MEF2A: variants seen among roughly 807,000 people sequenced by gnomAD.
The protein encoded by MEF2A is myocyte-specific enhancer factor 2A.
In MEF2A, 28 loss-of-function variants were observed where a neutral mutation model predicts 55.8. The ratio of observed to expected loss-of-function variants is 0.50; its 90% CI spans 0.37 to 0.69. The LOEUF is 0.69. Ranked by LOEUF, MEF2A falls within the 30% of genes least tolerant of loss-of-function variation. MEF2A has a pLI of 0.00. For missense variants in MEF2A, 528 were observed against 626.2 expected (o/e 0.84, Z 1.67); for synonymous variants, 239 against 227.1 (o/e 1.05, Z -0.47).
chr15:99,710,306 T>G (rs1010131533), intron 10 of MEF2A, among the ~76,000 whole-genome samples: 2 of 152,174 alleles, frequency 1.3e-5, no homozygotes, highest in African/African-American at 2.4e-5. Context: ...GCAGTGGTGC[T>G]ACCTCGGCTC....
chr15:99,580,630 G>GT (rs1370328980), intron 1 of MEF2A, among the ~76,000 whole-genome samples: 2 of 152,114 alleles, frequency 1.3e-5, no homozygotes, highest in East Asian at 3.8e-4. Context: ...GAAAAGCAAG[G>GT]TTATTCAGAG....
At chr15:99,582,311 G>A (rs983645632) in intron 1 of MEF2A, among the ~76,000 whole-genome samples, 2 of 152,028 alleles carry the variant, frequency 1.3e-5, no homozygotes, top group East Asian at 1.9e-4. Context: ...CACAGCTTTC[G>A]AGTGGAAGAT....
chr15:99,709,524 G>C (rs1226314688), intron 10 of MEF2A, among the ~76,000 whole-genome samples: 1 of 152,200 alleles, frequency 6.6e-6, no homozygotes, highest in Non-Finnish European at 1.5e-5. Context: ...GAATGACAAG[G>C]GCAGAGTCAG....
chr15:99,673,493 G>T (rs190175929), intron 5 of MEF2A, among the ~76,000 whole-genome samples: 71 of 152,242 alleles, frequency 4.7e-4, no homozygotes, highest in African/African-American at 1.6e-3. Flanking sequence ...TGAATTAGCA[G>T]TGTTACCTTA....
At chr15:99,623,828 A>G (rs1325348201) in intron 2 of MEF2A, among the ~76,000 whole-genome samples, 2 of 146,418 alleles carry the variant, frequency 1.4e-5, no homozygotes, top group African/African-American at 5.1e-5. Context: ...TTTAATTGAG[A>G]CGGGGTTTCG....
chr15:99,705,191 C>T (rs2057887085), intron 9 of MEF2A, among the ~76,000 whole-genome samples: 1 of 152,194 alleles, frequency 6.6e-6, no homozygotes, highest in Non-Finnish European at 1.5e-5. Context: ...CTGTTAAGAC[C>T]AGCGACAGAT....
intron 4 of MEF2A, among the ~76,000 whole-genome samples, chr15:99,661,617 G>A (rs2048653506): frequency 2.6e-5 from 4 of 152,012 alleles, no homozygotes; most frequent in Admixed American, 2.0e-4. Flanking sequence ...CATCCATGTG[G>A]CCTATAGATA....
chr15:99,590,228 G>A (rs1055133064), intron 1 of MEF2A, among the ~76,000 whole-genome samples: 2 of 151,910 alleles, frequency 1.3e-5, no homozygotes, highest in Non-Finnish European at 2.9e-5. Context: ...GAGACTGTAA[G>A]CATTATGAAA....
chr15:99,567,565 A>G (rs1960208878), intron 1 of MEF2A, among the ~76,000 whole-genome samples: 2 of 152,038 alleles, frequency 1.3e-5, no homozygotes, highest in African/African-American at 2.4e-5. Context: ...ATTTCTTTTA[A>G]TATGAATTTA....
At position 99,712,749 on chromosome 15, in the gene MEF2A, G is replaced by A; in HGVS notation, c.1496G>A (p.Arg499Lys). The A allele has an allele frequency of 1.9e-6, 3 of 1,559,404 alleles. No homozygotes were observed. The highest frequency in any genetic ancestry group is 1.2e-5 in the South Asian group (1 of 84,330). ...GAAAGCCCTTCTGTAAAGCGAATGA[G>A]GATGGACGCGTGGGTGACCTAAGGC... Reference protein sequence around the residue: ...DRESPSVKRMRMDAWVT With the variant: ...DRESPSVKRMKMDAWVT The change falls in exon 12 of 12, where the codon AGG (arginine) becomes AAG (lysine). Residue 499 changes from arginine to lysine, a missense_variant. Arg to Lys is a conservative substitution (Grantham distance 26). Transcript: ENST00000557942. The surrounding 1 kb of genome is among the most constrained non-coding windows in gnomAD (Gnocchi z 4.1).
Position 99,675,470 on chromosome 15 carries a change from C to G in MEF2A, c.670+12C>G. ...AAGCAGTCCAGTGGGTGAGTGAATT[C>G]CTACTCTTCTGTTTTGTAGGTATCT... On this transcript the variant is annotated intron_variant, in intron 7 of 11. Transcript: ENST00000557942. 6.2e-7 allele frequency: 1 copy of G among 1,611,136 alleles called. No individual in the cohort carries two copies. The highest frequency in any genetic ancestry group is 8.5e-7 in the Non-Finnish European group (1 of 1,177,338).
At chr15:99,670,307 CAAG>C (rs1355680685) in intron 4 of MEF2A, among the ~76,000 whole-genome samples, 1 of 152,032 alleles carries the variant, frequency 6.6e-6, no homozygotes, top group African/African-American at 2.4e-5. Flanking sequence ...TAATGGCACT[CAAG>C]AATATTCTCC....
intron 3 of MEF2A, among the ~76,000 whole-genome samples, chr15:99,644,541 A>G (rs1220999280): frequency 6.6e-6 from 1 of 152,240 alleles, no homozygotes; most frequent in Non-Finnish European, 1.5e-5. Flanking sequence ...AGCTACTGCA[A>G]TAACTGATTT....
chr15:99,655,440 T>G (rs1230248220), intron 4 of MEF2A, among the ~76,000 whole-genome samples: 1 of 152,148 alleles, frequency 6.6e-6, no homozygotes, highest in Non-Finnish European at 1.5e-5. Flanking sequence ...TGATAGATGG[T>G]CTTGAATACC....
intron 1 of MEF2A, among the ~76,000 whole-genome samples, chr15:99,586,433 A>G (rs1428389657): frequency 1.3e-5 from 2 of 152,184 alleles, no homozygotes; most frequent in East Asian, 3.8e-4. Context: ...ATGACTAATG[A>G]TTCTAAATGC....
At position 99,714,521 on chromosome 15, in the gene MEF2A, G is replaced by T. The variant is rs1250865985; in HGVS notation, c.*1750G>T. On this transcript the variant is annotated 3_prime_UTR_variant, in exon 12 of 12. Coordinates refer to ENST00000557942, the MANE Select transcript of MEF2A (RefSeq NM_001319206.4). Reference sequence around the variant, plus strand: ...CGGGGAGAAACACTCTTAGGGTGCTGGTCCTTGGCATGACTCTTGCCATTC... The same window carrying T: ...CGGGGAGAAACACTCTTAGGGTGCTTGTCCTTGGCATGACTCTTGCCATTC... 3 of 152,066 alleles carry T rather than the reference G, an allele frequency of 2.0e-5. No homozygotes were observed. Among genetic ancestry groups the T allele is most frequent in the African/African-American group, 7.3e-5 (3 of 41,372 alleles). 9.4% of individuals were successfully genotyped at this position (152,066 alleles called of 1,614,324 possible).
chr15:99,663,818 T>G (rs1258767614), intron 4 of MEF2A, among the ~76,000 whole-genome samples: 1 of 152,208 alleles, frequency 6.6e-6, no homozygotes, highest in African/African-American at 2.4e-5. Flanking sequence ...AGTATCTTTT[T>G]TCTTTCTTTT....
At chr15:99,670,278 T>C (rs965161749) in intron 4 of MEF2A, among the ~76,000 whole-genome samples, 13 of 152,032 alleles carry the variant, frequency 8.6e-5, no homozygotes, top group Admixed American at 7.2e-4. Context: ...AAAAAGTCAG[T>C]ATAATCCAGG....
chr15:99,710,229 C>T (rs1045254164), intron 10 of MEF2A, among the ~76,000 whole-genome samples: 1 of 152,134 alleles, frequency 6.6e-6, no homozygotes, highest in Non-Finnish European at 1.5e-5. Context: ...TCTGGCTTCT[C>T]TCAATGTAGG....
Sources: allele counts gnomAD v4.1 joint callset (sites outside exome capture counted in the v4.1 genomes callset), GRCh38; gene constraint gnomAD v4.1.1; non-coding constraint Gnocchi (gnomAD v3.1); transcripts MANE v1.5; gene names NCBI Gene and HGNC (gene_info 2026-07-23, HGNC 2026-07-21).